The following TRMT11 variants were observed in gnomAD, a reference collection of about 807,000 sequenced individuals.
TRMT11 encodes tRNA (guanine(10)-N(2))-methyltransferase TRMT11.
TRMT11 carries 53 observed loss-of-function variants against 62.8 expected under a neutral mutation model. That is an observed-to-expected ratio of 0.84 (90% CI 0.68 to 1.06). The LOEUF (loss-of-function observed/expected upper bound fraction) is 1.06, where lower values mean the gene tolerates loss of function less well. TRMT11 is among the 50% of genes least tolerant of loss of function. The pLI is 0.00. For synonymous variants in TRMT11, 188 were observed against 190.3 expected (o/e 0.99, Z 0.10); for missense variants, 556 against 553.4 (o/e 1.00, Z -0.05).
At chr6:126,097,792 A>G (rs1777357041) in intron 17 of TRMT11, among the ~76,000 whole-genome samples, 1 of 151,884 alleles carries the variant, frequency 6.6e-6, no homozygotes, top group Admixed American at 6.6e-5. Flanking sequence ...CTATCTTTAT[A>G]TTTCAATATG....
chr6:126,149,329 A>C (rs1778010913), intron 21 of TRMT11, among the ~76,000 whole-genome samples: 1 of 152,196 alleles, frequency 6.6e-6, no homozygotes, highest in African/African-American at 2.4e-5. Flanking sequence ...AGAATTATTC[A>C]TCATTTTCTA....
chr6:126,059,786 A>G (rs1011855159), intron 17 of TRMT11, among the ~76,000 whole-genome samples: 1 of 152,160 alleles, frequency 6.6e-6, no homozygotes, highest in African/African-American at 2.4e-5. Flanking sequence ...ATTGGCTTTC[A>G]TCTCCTCTAG....
At chr6:126,084,250 A>G (rs1326849048) in intron 17 of TRMT11, among the ~76,000 whole-genome samples, 1 of 151,988 alleles carries the variant, frequency 6.6e-6, no homozygotes, top group Non-Finnish European at 1.5e-5. Context: ...CCTCACCAAC[A>G]TTTGTTATCT....
the TRMT11 span, among the ~76,000 whole-genome samples, chr6:126,236,338 ATTACT>A: frequency 2.6e-5 from 4 of 152,202 alleles, no homozygotes; most frequent in South Asian, 2.1e-4. Context: ...ATTTTCTTAG[ATTACT>A]TTATTAATAT....
chr6:126,170,344 T>C (rs1778316588), intron 21 of TRMT11, among the ~76,000 whole-genome samples: 1 of 152,214 alleles, frequency 6.6e-6, no homozygotes. Context: ...ACACTAACTT[T>C]ACACTATGAG....
intron 1 of TRMT11, among the ~76,000 whole-genome samples, chr6:125,989,095 T>G (rs1027793102): frequency 6.6e-6 from 1 of 151,738 alleles, no homozygotes; most frequent in Non-Finnish European, 1.5e-5. Context: ...TTTGCAAATG[T>G]TTTGACACCA....
chr6:125,993,920 G>A lies in TRMT11; in HGVS notation c.138+98G>A. On this transcript the variant is annotated intron_variant, in intron 2 of 12. Transcript: ENST00000334379. ...CATATCTTAAATTTATATTTGTATG[G>A]TTACTTGTATCTGTTTCAAGAGGCA... The A allele has an allele frequency of 4.4e-6, 3 of 674,682 alleles. 1 individual carries two copies. In the South Asian group the frequency reaches 7.6e-5, roughly 17 times the overall value. The allele number at this position is 674,682 out of a possible 1,614,324, so 41.8% of individuals were successfully genotyped here. A position where few individuals can be genotyped will look rare whatever the true frequency, so the allele number is the denominator to read the frequency against.
upstream of TRMT11, among the ~76,000 whole-genome samples, chr6:126,172,924 G>C (rs1472545798): frequency 6.6e-6 from 1 of 152,200 alleles, no homozygotes; most frequent in Non-Finnish European, 1.5e-5. Flanking sequence ...TTTATAAAAT[G>C]TGGGAAGAGT....
At chr6:126,100,887 G>T (rs1419831939) in intron 17 of TRMT11, among the ~76,000 whole-genome samples, 1 of 152,130 alleles carries the variant, frequency 6.6e-6, no homozygotes, top group African/African-American at 2.4e-5. Flanking sequence ...GTCTCCTGTG[G>T]GGGTGATGTG....
chr6:126,095,564 A>C (rs1777330653), intron 17 of TRMT11, among the ~76,000 whole-genome samples: 1 of 152,214 alleles, frequency 6.6e-6, no homozygotes, highest in African/African-American at 2.4e-5. Context: ...TTATTCAGTC[A>C]GCAAACATTT....
intron 17 of TRMT11, among the ~76,000 whole-genome samples, chr6:126,088,851 T>A (rs187348869): frequency 6.6e-6 from 1 of 152,242 alleles, no homozygotes; most frequent in South Asian, 2.1e-4. Flanking sequence ...AATTGACTTA[T>A]ATTGCTAGAG....
intron 17 of TRMT11, among the ~76,000 whole-genome samples, chr6:126,059,131 G>A (rs550894073): frequency 2.8e-5 from 4 of 141,950 alleles, no homozygotes; most frequent in East Asian, 2.0e-4. Context: ...TGATCTTTCC[G>A]CCTTGGCCTC....
At chr6:126,137,597 A>C (rs1490501571) in intron 21 of TRMT11, among the ~76,000 whole-genome samples, 2 of 151,910 alleles carry the variant, frequency 1.3e-5, no homozygotes, top group Non-Finnish European at 2.9e-5. Context: ...CTACTATATG[A>C]TTAATCATTC....
the TRMT11 span, among the ~76,000 whole-genome samples, chr6:126,270,850 C>T: frequency 1.6e-4 from 24 of 152,082 alleles, no homozygotes; most frequent in Non-Finnish European, 3.1e-4. Context: ...GTTTTTCAAC[C>T]TTTCTACCCT....
intron 17 of TRMT11, among the ~76,000 whole-genome samples, chr6:126,084,850 T>C (rs767964768): frequency 3.9e-5 from 6 of 152,082 alleles, no homozygotes; most frequent in Non-Finnish European, 5.9e-5. Context: ...AAGACAAACA[T>C]TGCATGATCT....
chr6:126,045,552 G>C (rs1046622283), intron 16 of TRMT11, among the ~76,000 whole-genome samples: 5 of 152,158 alleles, frequency 3.3e-5, no homozygotes, highest in African/African-American at 1.2e-4. Flanking sequence ...GTGGTTGCAG[G>C]CCAAGTATCA....
At chr6:126,077,066 A>T (rs916163956) in intron 17 of TRMT11, among the ~76,000 whole-genome samples, 4 of 152,176 alleles carry the variant, frequency 2.6e-5, no homozygotes, top group African/African-American at 9.6e-5. Context: ...GGAGTGTTTC[A>T]GGGGATTTGG....
chr6:126,080,617 G>A (rs1777140608), intron 17 of TRMT11, among the ~76,000 whole-genome samples: 1 of 152,142 alleles, frequency 6.6e-6, no homozygotes, highest in Non-Finnish European at 1.5e-5. Flanking sequence ...ATTTGTTAGA[G>A]TGACTGTGCA....
intron 16 of TRMT11, among the ~76,000 whole-genome samples, chr6:126,051,251 C>T (rs1444793864): frequency 6.6e-6 from 1 of 152,086 alleles, no homozygotes; most frequent in Non-Finnish European, 1.5e-5. Context: ...AGTAGTTAGC[C>T]AGGTTAAGCT....
Sources: gnomAD v4.1 joint callset for allele counts (sites outside exome capture counted in the v4.1 genomes callset) on GRCh38, gnomAD v4.1.1 for gene constraint, MANE v1.5 for transcripts, NCBI Gene and HGNC (gene_info 2026-07-23, HGNC 2026-07-21) for gene names.